The following EPHA7 variants were observed in gnomAD, a reference collection of about 807,000 sequenced individuals.
The protein encoded by EPHA7 is ephrin type-A receptor 7.
In EPHA7, 25 loss-of-function variants were observed where a neutral mutation model predicts 112.6. The ratio of observed to expected loss-of-function variants is 0.22; its 90% CI spans 0.16 to 0.31. The LOEUF (loss-of-function observed/expected upper bound fraction) is 0.31. Ranked by LOEUF, EPHA7 falls within the 10% of genes least tolerant of loss-of-function variation. The pLI is 1.00. For missense variants in EPHA7, 962 were observed against 1,212.6 expected, an observed-to-expected ratio of 0.79 and a Z score of 3.07; for synonymous variants, 437 against 406.5, an observed-to-expected ratio of 1.07 and a Z score of -0.90.
chr6:93,397,258 A>G (rs1778224542), intron 3 of EPHA7, among the ~76,000 whole-genome samples: 1 of 151,830 alleles, frequency 6.6e-6, no homozygotes. Flanking sequence ...TCTCAAGTAA[A>G]TAGTTTTTCA....
chr6:93,381,065 A>C (rs867110956), intron 3 of EPHA7, among the ~76,000 whole-genome samples: 3 of 152,314 alleles, frequency 2.0e-5, no homozygotes, highest in Middle Eastern at 6.8e-3. Context: ...TTCTATGAAA[A>C]TAATAAAGAC....
chr6:93,335,158 A>T (rs1330288718), intron 5 of EPHA7, among the ~76,000 whole-genome samples: 2 of 152,096 alleles, frequency 1.3e-5, no homozygotes, highest in African/African-American at 4.8e-5. Flanking sequence ...AGGGTCAATT[A>T]AGTGTTAACA....
chr6:93,302,981 A>G (rs142289100), intron 5 of EPHA7, among the ~76,000 whole-genome samples: 181 of 152,254 alleles, frequency 1.2e-3, no homozygotes, highest in Admixed American at 3.1e-3. Context: ...GGGAAACACT[A>G]CCTGCAGGGG....
intron 5 of EPHA7, among the ~76,000 whole-genome samples, chr6:93,327,080 T>C (rs1774358630): frequency 6.6e-6 from 1 of 151,568 alleles, no homozygotes; most frequent in Non-Finnish European, 1.5e-5. Context: ...CGAGCAGAGC[T>C]GAGTATCAGC....
In EPHA7 at chr6:93,259,490, G is replaced by A. The variant is rs1770591746; in HGVS notation, c.1799-11C>T. The A allele has an allele frequency of 1.2e-6, 2 of 1,610,292 alleles. No homozygotes were observed. Among genetic ancestry groups the A allele is most frequent in the Non-Finnish European group, 1.7e-6 (2 of 1,177,192 alleles). ...TGCCTGGAAATTTAACTGTAATGAT[G>A]TAAGAAAGCATGACTGTGATGAAGC... On this transcript the variant is annotated splice_polypyrimidine_tract_variant and intron_variant, in intron 9 of 16. Transcript: ENST00000369303.
intron 5 of EPHA7, among the ~76,000 whole-genome samples, chr6:93,295,990 T>C (rs578109033): frequency 6.6e-6 from 1 of 151,998 alleles, no homozygotes; most frequent in Non-Finnish European, 1.5e-5. Context: ...CATATTTAAT[T>C]AATAAATTAA....
chr6:93,378,446 G>A (rs997653610), intron 3 of EPHA7, among the ~76,000 whole-genome samples: 5 of 152,012 alleles, frequency 3.3e-5, no homozygotes, highest in Non-Finnish European at 7.4e-5. Context: ...AGAAGATGAC[G>A]GCAGACTGAG....
intron 3 of EPHA7, among the ~76,000 whole-genome samples, chr6:93,359,490 G>A (rs1384971651): frequency 6.6e-6 from 1 of 151,770 alleles, no homozygotes; most frequent in African/African-American, 2.4e-5. Context: ...AGAAAAGTTA[G>A]TGAAAATTTA....
intron 3 of EPHA7, among the ~76,000 whole-genome samples, chr6:93,394,295 T>A (rs1416738741): frequency 1.3e-5 from 2 of 151,146 alleles, no homozygotes; most frequent in East Asian, 1.9e-4. Flanking sequence ...TACGCACCTT[T>A]TATATATATA....
intron 5 of EPHA7, among the ~76,000 whole-genome samples, chr6:93,310,049 T>C (rs1039451623): frequency 2.0e-5 from 3 of 152,204 alleles, no homozygotes; most frequent in Non-Finnish European, 4.4e-5. Context: ...ATCTAGCAAG[T>C]ACATTTTAAA....
At chr6:93,382,470 A>G (rs553034329) in intron 3 of EPHA7, among the ~76,000 whole-genome samples, 2 of 152,304 alleles carry the variant, frequency 1.3e-5, no homozygotes, top group African/African-American at 4.8e-5. Flanking sequence ...AGCCCAGTTC[A>G]TAACAGGCCA....
Position 93,410,933 on chromosome 6 carries a change from T to C in EPHA7, c.400A>G (p.Thr134Ala). The C allele has an allele frequency of 1.9e-6, 3 of 1,613,962 alleles. No individual in the cohort carries two copies. The highest frequency in any genetic ancestry group is 2.5e-6 in the Non-Finnish European group (3 of 1,179,954). ...AGGTTTTCTCTTATATTCCTGCCAG[T>C]GTCATAGTCTGTTTCATAATAGTAC... ...NLYYYETDYD[T>A]GRNIRENLYV... The change falls in exon 3 of 17, where the codon ACT becomes GCT. Residue 134 changes from threonine (T) to alanine (A), a missense_variant. Coordinates refer to ENST00000369303, the MANE Select transcript of EPHA7 (RefSeq NM_004440.4). The surrounding 1 kb of genome is among the most constrained non-coding windows in gnomAD (Gnocchi z 4.0).
chr6:93,282,044 C>T (rs1199816214), intron 5 of EPHA7, among the ~76,000 whole-genome samples: 4 of 151,926 alleles, frequency 2.6e-5, no homozygotes, highest in African/African-American at 4.8e-5. Flanking sequence ...AGTTCCTCTT[C>T]CAAAGTATGT....
intron 3 of EPHA7, among the ~76,000 whole-genome samples, chr6:93,397,918 C>T (rs973992217): frequency 2.6e-5 from 4 of 151,900 alleles, no homozygotes; most frequent in African/African-American, 9.7e-5. Context: ...TTCTAGTCAA[C>T]TTTATCCCAG....
chr6:93,290,926 CA>C (rs1308057384), intron 5 of EPHA7, among the ~76,000 whole-genome samples: 1 of 152,010 alleles, frequency 6.6e-6, no homozygotes, highest in Non-Finnish European at 1.5e-5. Context: ...CATCATAAAG[CA>C]AACAAAAAAT....
chr6:93,319,147 G>T (rs750531255), intron 5 of EPHA7, among the ~76,000 whole-genome samples: 1 of 152,068 alleles, frequency 6.6e-6, no homozygotes, highest in Non-Finnish European at 1.5e-5. Flanking sequence ...CAAAAAGATG[G>T]ACAATAAATT....
Position 93,241,307 on chromosome 6 carries a change from T to C in EPHA7, c.*2119A>G, listed in dbSNP as rs1169733003. On this transcript the variant is annotated 3_prime_UTR_variant, in exon 17 of 17. Transcript: ENST00000369303. ...AATTAAGAACACTCACTCAAACTCT[T>C]TCACTCATTCTCACAAAGGCCAATG... The C allele has an allele frequency of 4.5e-6, 1 of 219,848 alleles. No homozygotes were observed. Among genetic ancestry groups the C allele is most frequent in the Non-Finnish European group, 9.1e-6 (1 of 109,306 alleles). 13.6% of individuals were successfully genotyped at this position (219,848 alleles called of 1,614,324 possible).
chr6:93,351,320 G>A (rs970281138), intron 5 of EPHA7, among the ~76,000 whole-genome samples: 4 of 151,960 alleles, frequency 2.6e-5, no homozygotes, highest in African/African-American at 9.7e-5. Context: ...TGCTCTGCTT[G>A]GTCCTGCTTG....
rs1464581076 is a variant in EPHA7 at position 93,258,112 on chromosome 6, C to T, written c.2097G>A (p.Gly699=). 3 of 1,612,462 alleles carry T rather than the reference C, an allele frequency of 1.9e-6. No individual in the cohort carries two copies. Among genetic ancestry groups the T allele is most frequent in the African/African-American group, 2.7e-5 (2 of 74,782 alleles). The change falls in exon 11 of 17, where the codon GGG becomes GGA. Residue 699 remains glycine, a synonymous_variant. Transcript: ENST00000369303. ...FDHPNVVHLE[G]VVTRGKPVMI... ...ACCAATATCTACCTCTTGTAACAAC[C>T]CCTTCCAAATGGACAACATTCGGGT...
Sources: allele counts gnomAD v4.1 joint callset (sites outside exome capture counted in the v4.1 genomes callset), GRCh38; gene constraint gnomAD v4.1.1; non-coding constraint Gnocchi (gnomAD v3.1); transcripts MANE v1.5; gene names NCBI Gene and HGNC (gene_info 2026-07-23, HGNC 2026-07-21).